XKR9: variants seen among roughly 807,000 people sequenced by gnomAD.
The protein encoded by XKR9 is XK related 9, also known as XK-related protein 9.
Under a neutral mutation model 32.0 loss-of-function variants are expected in XKR9, and 32 were observed. The observed-to-expected ratio is 1.00, with a 90% CI of 0.76 to 1.34. XKR9 has a LOEUF of 1.34. XKR9 is among the 40% of genes most tolerant of loss of function. The pLI, the probability that XKR9 is intolerant of heterozygous loss-of-function variation, is 0.00. For synonymous variants in XKR9, 168 were observed against 143.4 expected (o/e 1.17, Z -1.22); for missense variants, 546 against 429.7 (o/e 1.27, Z -2.39).
At chr8:70,774,736 GCTGT>G (rs1399766817) in intron 2 of XKR9, among the ~76,000 whole-genome samples, 3 of 152,140 alleles carry the variant, frequency 2.0e-5, no homozygotes, top group Admixed American at 6.6e-5. Flanking sequence ...CCATTATTGG[GCTGT>G]CTATTTTATT....
the XKR9 span, among the ~76,000 whole-genome samples, chr8:70,925,974 T>C: frequency 6.6e-6 from 1 of 152,236 alleles, no homozygotes; most frequent in African/African-American, 2.4e-5. Flanking sequence ...CATTATATGA[T>C]TGATGTTTCC....
At chr8:70,714,029 C>T (rs564293155) in intron 4 of XKR9, among the ~76,000 whole-genome samples, 1 of 152,106 alleles carries the variant, frequency 6.6e-6, no homozygotes, top group African/African-American at 2.4e-5. Context: ...TGTTTCCTTG[C>T]TGCATGCTTA....
chr8:71,005,691 T>G, the XKR9 span, among the ~76,000 whole-genome samples: 18 of 152,230 alleles, frequency 1.2e-4, no homozygotes, highest in African/African-American at 4.1e-4. Context: ...TAAGGCATAT[T>G]CTGTAGCTCT....
chr8:70,713,436 C>T (rs1805986204), intron 4 of XKR9, among the ~76,000 whole-genome samples: 1 of 152,052 alleles, frequency 6.6e-6, no homozygotes, highest in Non-Finnish European at 1.5e-5. Flanking sequence ...ATTCAAGAAG[C>T]CCATCATCTG....
the XKR9 span, among the ~76,000 whole-genome samples, chr8:70,869,207 C>A: frequency 6.6e-6 from 1 of 152,166 alleles, no homozygotes; most frequent in Non-Finnish European, 1.5e-5. Context: ...TTTTGGGTAT[C>A]TTTTCAGCAG....
intron 2 of XKR9, among the ~76,000 whole-genome samples, chr8:70,776,947 C>CTATATATATATATATATATATATA (rs1554556847): frequency 1.8e-5 from 1 of 54,210 alleles, no homozygotes; most frequent in African/African-American, 7.9e-5. Context: ...CTCTCTCTCT[C>CTATATATATATATATATATATATA]TATATATATA....
the XKR9 span, among the ~76,000 whole-genome samples, chr8:70,850,310 C>T: frequency 6.6e-6 from 1 of 151,448 alleles, no homozygotes; most frequent in African/African-American, 2.4e-5. Context: ...AAATACAAAA[C>T]ATTAGCTGGG....
chr8:70,883,264 A>G, the XKR9 span, among the ~76,000 whole-genome samples: 3 of 152,110 alleles, frequency 2.0e-5, no homozygotes, highest in African/African-American at 7.2e-5. Flanking sequence ...CTTCACTTAG[A>G]ATAATGGCCT....
At chr8:70,783,671 G>T (rs1301484707) in intron 2 of XKR9, among the ~76,000 whole-genome samples, 1 of 152,110 alleles carries the variant, frequency 6.6e-6, no homozygotes, top group East Asian at 1.9e-4. Context: ...CTCTCACACT[G>T]TTAATTGTTT....
At chr8:70,951,869 G>GGT in the XKR9 span, among the ~76,000 whole-genome samples, 1 of 100,534 alleles carries the variant, frequency 9.9e-6, no homozygotes, top group African/African-American at 4.4e-5. Context: ...AGCATCATTG[G>GGT]GGGGGGGGTG....
chr8:70,741,864 C>A (rs1586878476), intron 2 of XKR9, among the ~76,000 whole-genome samples: 1 of 152,050 alleles, frequency 6.6e-6, no homozygotes, highest in African/African-American at 2.4e-5. Flanking sequence ...TTTGAGGAAC[C>A]TTTATACTGT....
chr8:70,765,953 T>A (rs989199326), intron 2 of XKR9, among the ~76,000 whole-genome samples: 3 of 152,206 alleles, frequency 2.0e-5, no homozygotes, highest in Non-Finnish European at 4.4e-5. Context: ...TCTGTTCTCT[T>A]CCATTGTTCT....
chr8:70,672,257 G>A (rs1818739492), intron 1 of XKR9, among the ~76,000 whole-genome samples: 1 of 80,308 alleles, frequency 1.2e-5, no homozygotes, highest in African/African-American at 3.8e-5. Flanking sequence ...AGCCCGCATT[G>A]CCAAGTCAAT....
At chr8:70,922,392 G>C in the XKR9 span, among the ~76,000 whole-genome samples, 1 of 152,200 alleles carries the variant, frequency 6.6e-6, no homozygotes, top group Non-Finnish European at 1.5e-5. Flanking sequence ...TAGATAATGG[G>C]TCACTACAGA....
chr8:70,986,228 C>T, the XKR9 span, among the ~76,000 whole-genome samples: 2 of 152,168 alleles, frequency 1.3e-5, no homozygotes, highest in African/African-American at 4.8e-5. Context: ...CGGCAAGCCA[C>T]GTAACCTCTC....
At chr8:70,744,931 G>GT (rs1169718681) in intron 2 of XKR9, among the ~76,000 whole-genome samples, 9 of 150,110 alleles carry the variant, frequency 6.0e-5, no homozygotes, top group African/African-American at 2.2e-4. Context: ...CTATGATATA[G>GT]TTTTTTAAAA....
the XKR9 span, among the ~76,000 whole-genome samples, chr8:70,915,300 G>T: frequency 1.3e-5 from 2 of 152,208 alleles, no homozygotes; most frequent in South Asian, 2.1e-4. Flanking sequence ...TTTCTAATCT[G>T]GTGACTAGTT....
At chr8:71,027,452 T>C in the XKR9 span, among the ~76,000 whole-genome samples, 1 of 147,208 alleles carries the variant, frequency 6.8e-6, no homozygotes, top group Non-Finnish European at 1.5e-5. Context: ...AACTTTTATA[T>C]AATTTTATAT....
chr8:70,882,007 G>T, the XKR9 span, among the ~76,000 whole-genome samples: 3 of 152,118 alleles, frequency 2.0e-5, no homozygotes, highest in African/African-American at 7.2e-5. Context: ...GCAAACTATT[G>T]CCAGGACAGA....
Sources: gnomAD v4.1 joint callset for allele counts (sites outside exome capture counted in the v4.1 genomes callset) on GRCh38, gnomAD v4.1.1 for gene constraint, MANE v1.5 for transcripts, NCBI Gene and HGNC (gene_info 2026-07-23, HGNC 2026-07-21) for gene names.